PLA2G4C: variants seen among roughly 807,000 people sequenced by gnomAD.
The protein encoded by PLA2G4C is cytosolic phospholipase A2 gamma.
Under a neutral mutation model 73.8 loss-of-function variants are expected in PLA2G4C, and 64 were observed. The observed-to-expected ratio is 0.87, with a 90% CI of 0.71 to 1.07. The LOEUF is 1.07. Ranked by LOEUF, PLA2G4C falls within the 50% of genes least tolerant of loss-of-function variation. PLA2G4C has a pLI of 0.00. For missense variants in PLA2G4C, 622 were observed against 665.4 expected, an observed-to-expected ratio of 0.93 and a Z score of 0.72; for synonymous variants, 254 against 252.1, an observed-to-expected ratio of 1.01 and a Z score of -0.07.
intron 5 of PLA2G4C, 86 bp from the exon 6 acceptor site, chr19:48,098,345 T>TA: frequency 7.8e-7 from 1 of 1,289,646 alleles, no homozygotes; most frequent in South Asian, 1.5e-5. Context: ...CATTTTTTTT[T>TA]AGAGGGGTCT....
chr19:48,098,150 G>A lies in PLA2G4C; in HGVS notation c.557C>T (p.Ala186Val), dbSNP rs962820765. ...DNDLQPSWQEARAPETWFEFT... is the reference protein window; with the variant it reads ...DNDLQPSWQEVRAPETWFEFT... Reference sequence around the variant, plus strand: ...AAATGTTTGCTTACCTGGTGCTCTTGCCTCCTGCCAGGAAGGTTGCAGGTC... The same window carrying A: ...AAATGTTTGCTTACCTGGTGCTCTTACCTCCTGCCAGGAAGGTTGCAGGTC... Residue 186 changes from alanine to valine, a missense_variant, in exon 6 of 17, where the codon GCA becomes GTA. Physicochemically the swap from Ala to Val is moderately conservative, Grantham distance 64. Transcript: ENST00000599921. 6.2e-7 allele frequency: 1 copy of A among 1,613,480 alleles called. No homozygotes were observed. Among genetic ancestry groups the A allele is most frequent in the Non-Finnish European group, 8.5e-7 (1 of 1,179,754 alleles).
chr19:48,060,395 G>T (rs1206790101), intron 14 of PLA2G4C, among the ~76,000 whole-genome samples: 1 of 152,118 alleles, frequency 6.6e-6, no homozygotes, highest in East Asian at 1.9e-4. Flanking sequence ...CCACTGTAGT[G>T]GACAGCTTAG....
intron 12 of PLA2G4C, among the ~76,000 whole-genome samples, chr19:48,068,496 AAGAG>A (rs1039091123): frequency 6.6e-6 from 1 of 151,916 alleles, no homozygotes; most frequent in Non-Finnish European, 1.5e-5. Context: ...CAGCTTGGGC[AAGAG>A]AGCGAGACCA....
intron 7 of PLA2G4C, among the ~76,000 whole-genome samples, chr19:48,093,780 G>GA (rs1490954510): frequency 6.6e-6 from 1 of 152,178 alleles, no homozygotes; most frequent in Non-Finnish European, 1.5e-5. Flanking sequence ...GATGTTGAGG[G>GA]AGAGACCTGG....
intron 2 of PLA2G4C, among the ~76,000 whole-genome samples, chr19:48,105,945 C>CTTTCTTTCTTTCTTTCTTT (rs1568457691): frequency 1.2e-4 from 1 of 8,342 alleles, no homozygotes; most frequent in African/African-American, 8.5e-4. Context: ...CTCCCTCCCT[C>CTTTCTTTCTTTCTTTCTTT]CCTTCTTTCT....
chr19:48,099,769 C>T lies in PLA2G4C; in HGVS notation c.349G>A (p.Ala117Thr). 1 of 1,613,922 alleles carries T rather than the reference C, an allele frequency of 6.2e-7. No individual in the cohort carries two copies. Among genetic ancestry groups the T allele is most frequent in the Non-Finnish European group, 8.5e-7 (1 of 1,179,840 alleles). Residue 117 changes from alanine to threonine, a missense_variant, in exon 5 of 17, where the codon GCT becomes ACT. Coordinates refer to ENST00000599921, the MANE Select transcript of PLA2G4C (RefSeq NM_003706.3). ...TGGATGGTTTTCTGTAGGCTCTTAGCCAAGTCCCACTCCTGTCGGGTAAAT... is the reference window on the plus strand; with the variant it reads ...TGGATGGTTTTCTGTAGGCTCTTAGTCAAGTCCCACTCCTGTCGGGTAAAT... ...HRFTRQEWDLAKSLQKTIQAA... is the reference protein window; with the variant it reads ...HRFTRQEWDLTKSLQKTIQAA...
chr19:48,066,106 T>C (rs555230786), intron 13 of PLA2G4C, among the ~76,000 whole-genome samples: 1 of 151,374 alleles, frequency 6.6e-6, no homozygotes, highest in South Asian at 2.1e-4. Flanking sequence ...AAAAAAAAAT[T>C]TGTGTTGACA....
In PLA2G4C at chr19:48,090,644, C is replaced by G. The variant is rs770877999; in HGVS notation, c.710-227G>C. The stretch of plus-strand genomic sequence containing the variant: ...AAGACAGATAAAGTCCTTGTCCTCA[C>G]GAACCTTCTATGGGTGGAGCCAGCC... On this transcript the variant is annotated intron_variant, in intron 7 of 16. Coordinates refer to ENST00000599921, the MANE Select transcript of PLA2G4C (RefSeq NM_003706.3). 7.6e-5 allele frequency: 40 copies of G among 529,658 alleles called. No homozygotes were observed. The Middle Eastern group carries it at 2.1e-3, about 28-fold the overall frequency. The allele number at this position is 529,658 out of a possible 1,614,324, so 32.8% of individuals were successfully genotyped here.
At chr19:48,092,846 CACA>C (rs2031382971) in intron 7 of PLA2G4C, among the ~76,000 whole-genome samples, 1 of 152,112 alleles carries the variant, frequency 6.6e-6, no homozygotes. Context: ...GTGATGGTTG[CACA>C]ACATTATGAA....
chr19:48,090,630 A>G (rs443465), intron 7 of PLA2G4C: 29,366 of 565,388 alleles, frequency 0.052, 2,082 homozygotes, highest in African/African-American at 0.25. Flanking sequence ...AGACAGATAA[A>G]GTCCTTGTCC....
chr19:48,057,020 T>C (rs1967968741), intron 14 of PLA2G4C, among the ~76,000 whole-genome samples: 1 of 151,790 alleles, frequency 6.6e-6, no homozygotes, highest in Admixed American at 6.6e-5. Context: ...TCAGCAGAAA[T>C]AACTAATGGG....
At chr19:48,080,068 G>A (rs1269045516) in intron 10 of PLA2G4C, among the ~76,000 whole-genome samples, 2 of 152,136 alleles carry the variant, frequency 1.3e-5, no homozygotes, top group African/African-American at 4.8e-5. Context: ...GCAAATATTT[G>A]CAAACTAGGC....
chr19:48,080,993 CAA>C (rs34388817), intron 10 of PLA2G4C, among the ~76,000 whole-genome samples: 27,882 of 102,678 alleles, frequency 0.27, 3,196 homozygotes, highest in East Asian at 0.48. Context: ...ACTAAAAATA[CAA>C]AAAAAAAAAA....
intron 4 of PLA2G4C, chr19:48,104,305 C>T (rs1041859459): frequency 6.0e-5 from 21 of 349,692 alleles, no homozygotes; most frequent in African/African-American, 4.0e-4. Context: ...CTGTGGGAAA[C>T]CCCAAACTAT....
intron 1 of PLA2G4C, among the ~76,000 whole-genome samples, chr19:48,109,873 T>G (rs1408616627): frequency 6.6e-6 from 1 of 150,970 alleles, no homozygotes; most frequent in Admixed American, 6.6e-5. Flanking sequence ...ATGATCTCGA[T>G]CTCCTGACCT....
At chr19:48,099,925 A>G in intron 4 of PLA2G4C, 65 bp from the exon 5 acceptor site, 5 of 1,206,596 alleles carry the variant, frequency 4.1e-6, no homozygotes, top group South Asian at 2.7e-5. Flanking sequence ...CTGGGGAAAG[A>G]TGTGTGCAAG....
chr19:48,056,732 T>A (rs1967956033), intron 14 of PLA2G4C, among the ~76,000 whole-genome samples: 1 of 145,564 alleles, frequency 6.9e-6, no homozygotes, highest in Non-Finnish European at 1.5e-5. Flanking sequence ...CTTGGGAGGC[T>A]GAGACAGGAG....
chr19:48,053,074 C>A lies in PLA2G4C; in HGVS notation c.1503G>T (p.Val501=). ...TCTTCTTGGCTAATGCCAAGAGTAG[C>A]ACCACCACATCTAGAGTGTAGGTGT... The part of the protein sequence containing the change: ...LADTYTLDVV[V]LLLALAKKNV... Residue 501 remains valine (V), a synonymous_variant, in exon 16 of 17, where the codon GTG becomes GTT. Coordinates refer to ENST00000599921, the MANE Select transcript of PLA2G4C (RefSeq NM_003706.3). 6.2e-7 allele frequency: 1 copy of A among 1,613,250 alleles called. No individual in the cohort carries two copies. The highest frequency in any genetic ancestry group is 1.1e-5 in the South Asian group (1 of 91,014).
At chr19:48,057,476 TCTTCTTC>T (rs1242863188) in intron 14 of PLA2G4C, among the ~76,000 whole-genome samples, 27 of 52,694 alleles carry the variant, frequency 5.1e-4, no homozygotes, top group Middle Eastern at 0.016. Flanking sequence ...TTCTTCTTCT[TCTTCTTC>T]TTTTTTTTTT....
Sources: gnomAD v4.1 joint callset for allele counts (sites outside exome capture counted in the v4.1 genomes callset) on GRCh38, gnomAD v4.1.1 for gene constraint, MANE v1.5 for transcripts, NCBI Gene and HGNC (gene_info 2026-07-23, HGNC 2026-07-21) for gene names.